The following SIN3B variants were observed in gnomAD, a reference collection of about 807,000 sequenced individuals.
The protein encoded by SIN3B is SIN3 transcription regulator family member B.
A neutral mutation model predicts 120.2 loss-of-function variants in SIN3B; 19 were observed. The ratio of observed to expected loss-of-function variants is 0.16; its 90% CI spans 0.11 to 0.23. The LOEUF (loss-of-function observed/expected upper bound fraction) is 0.23. SIN3B is among the 10% of genes least tolerant of loss of function. The pLI, the probability that SIN3B is intolerant of heterozygous loss-of-function variation, is 1.00. For missense variants in SIN3B, 1,073 were observed against 1,573.0 expected (o/e 0.68, Z 5.38); for synonymous variants, 654 against 653.2 (o/e 1.00, Z -0.02).
At chr19:16,854,054 G>T (rs1375651953) in intron 7 of SIN3B, 89 bp from the exon 8 acceptor site, 2 of 870,000 alleles carry the variant, frequency 2.3e-6, no homozygotes. Flanking sequence ...TTCCCATATC[G>T]CACACCCATG....
chr19:16,860,839 C>T (rs1457095862), intron 8 of SIN3B, among the ~76,000 whole-genome samples: 3 of 151,946 alleles, frequency 2.0e-5, no homozygotes, highest in Admixed American at 6.6e-5. Flanking sequence ...GTGATCCGCC[C>T]GCCTCGGCCT....
At position 16,862,226 on chromosome 19, in the gene SIN3B, C is replaced by T. The variant is rs951467188; in HGVS notation, c.1059-126C>T. The T allele has an allele frequency of 1.9e-5, 14 of 736,756 alleles. No homozygotes were observed. Among genetic ancestry groups the T allele is most frequent in the Non-Finnish European group, 2.7e-5 (12 of 446,244 alleles). 45.6% of individuals were successfully genotyped at this position (736,756 alleles called of 1,614,324 possible). A position where few individuals can be genotyped will look rare whatever the true frequency, so the allele number is the denominator to read the frequency against. ...ATTGGATTCTTCCGCCTCTCATTCGCATCCATGATGTTGAATTCTGACTCT... is the reference window on the plus strand; with the variant it reads ...ATTGGATTCTTCCGCCTCTCATTCGTATCCATGATGTTGAATTCTGACTCT... On this transcript the variant is annotated intron_variant, in intron 8 of 18. Transcript: ENST00000248054. The surrounding 1 kb of genome is among the most constrained non-coding windows in gnomAD (Gnocchi z 4.7).
At chr19:16,832,286 C>T (rs1374916383) in intron 3 of SIN3B, among the ~76,000 whole-genome samples, 2 of 151,268 alleles carry the variant, frequency 1.3e-5, no homozygotes, top group Admixed American at 6.6e-5. Context: ...CAACCTCCGC[C>T]TCCCAGGTTC....
chr19:16,860,051 C>T lies in SIN3B; in HGVS notation c.1059-2301C>T, dbSNP rs555366728. On this transcript the variant is annotated intron_variant, in intron 8 of 18. Transcript: ENST00000248054. The stretch of plus-strand genomic sequence containing the variant: ...AAGGTGCTGAACAGATGGGCAGTGC[C>T]GGAGCACAGTCAGCTGTTCTTGTTT... 6.3e-4 allele frequency among the ~76,000 whole-genome samples: 96 copies of T among 152,318 alleles called. 1 individual carries two copies. The highest frequency in any genetic ancestry group is 2.2e-3 in the African/African-American group (91 of 41,570).
chr19:16,867,370 A>G (rs1971790552), intron 12 of SIN3B, among the ~76,000 whole-genome samples: 1 of 152,220 alleles, frequency 6.6e-6, no homozygotes, highest in South Asian at 2.1e-4. Flanking sequence ...CAGGCTCACA[A>G]GGCCTGAGTC....
In SIN3B at chr19:16,875,972, G is replaced by A; in HGVS notation, c.2593-83G>A. The A allele has an allele frequency of 2.1e-6, 3 of 1,449,106 alleles. No homozygotes were observed. The South Asian group carries it at 4.1e-5, about 20-fold the overall frequency. The allele number at this position is 1,449,106 out of a possible 1,614,324, so 89.8% of individuals were successfully genotyped here. A position where few individuals can be genotyped will look rare whatever the true frequency, so the allele number is the denominator to read the frequency against. ...CACTCTCCATCCTGATGTGTTTCTG[G>A]CCTTTGTCGACTTCCTCTGTGGGTG... is the stretch of plus-strand genomic sequence containing the variant. On this transcript the variant is annotated intron_variant, in intron 14 of 18. Coordinates refer to ENST00000248054, the MANE Select transcript of SIN3B (RefSeq NM_001297595.2).
intron 10 of SIN3B, 32 bp downstream of exon 10, chr19:16,863,828 C>T (rs1200069996): frequency 6.7e-7 from 1 of 1,500,278 alleles, no homozygotes; most frequent in South Asian, 1.1e-5. Context: ...GGTCCCCCGG[C>T]ATGTGCCTGT....
chr19:16,853,230 G>A lies in SIN3B; in HGVS notation c.939+72G>A. Reference sequence around the variant, plus strand: ...GGCTGGGCCAATGCTCCCTGGGCCTGCCCCAGGATTGGGGCGGGGAGCAGG... The same window carrying A: ...GGCTGGGCCAATGCTCCCTGGGCCTACCCCAGGATTGGGGCGGGGAGCAGG... On this transcript the variant is annotated intron_variant, in intron 7 of 18. Transcript: ENST00000248054. 4.9e-6 allele frequency: 7 copies of A among 1,421,898 alleles called. No individual in the cohort carries two copies. The Admixed American group carries it at 1.2e-4, about 25-fold the overall frequency. 88.1% of individuals were successfully genotyped at this position (1,421,898 alleles called of 1,614,324 possible).
At chr19:16,867,055 G>A (rs917918999) in intron 12 of SIN3B, among the ~76,000 whole-genome samples, 7 of 152,130 alleles carry the variant, frequency 4.6e-5, no homozygotes, top group African/African-American at 1.4e-4. Context: ...GCTCCTGGCC[G>A]ACTCTGCCAT....
intron 16 of SIN3B, 149 bp from the exon 17 acceptor site, chr19:16,877,396 G>A (rs1056196348): frequency 6.4e-6 from 4 of 622,108 alleles, no homozygotes; most frequent in African/African-American, 5.5e-5. Flanking sequence ...GTCTCCGTCA[G>A]GGATCAGAGT....
In SIN3B at chr19:16,866,444, A is replaced by G. The variant is rs1971774472; in HGVS notation, c.1694A>G (p.Glu565Gly). The change falls in exon 12 of 19, where the codon GAG (glutamate) becomes GGG (glycine). Residue 565 changes from glutamate (E) to glycine (G), a missense_variant. By Grantham distance (98) the Glu-to-Gly change is moderately conservative. Transcript: ENST00000248054. Reference sequence around the variant, plus strand: ...AACAAGATCTGGCGGGAGCAGTATGAGAAGGCGTACCTCAAGTCCCTTGAC... The same window carrying G: ...AACAAGATCTGGCGGGAGCAGTATGGGAAGGCGTACCTCAAGTCCCTTGAC... ...GFNKIWREQY[E>G]KAYLKSLDHQ... 1 of 1,613,696 alleles carries G rather than the reference A, an allele frequency of 6.2e-7. No homozygotes were observed. The highest frequency in any genetic ancestry group is 1.3e-5 in the African/African-American group (1 of 74,890).
rs376138655 is a variant in SIN3B at position 16,829,940 on chromosome 19, C to T, written c.227+43C>T. 389 of 1,428,666 alleles carry T rather than the reference C, an allele frequency of 2.7e-4. 2 individuals are homozygous for T. Among genetic ancestry groups the T allele is most frequent in the South Asian group, 1.4e-3 (125 of 87,046 alleles). 88.5% of individuals were successfully genotyped at this position (1,428,666 alleles called of 1,614,324 possible). On this transcript the variant is annotated intron_variant, in intron 2 of 18. Coordinates refer to ENST00000248054, the MANE Select transcript of SIN3B (RefSeq NM_001297595.2). Reference sequence around the variant, plus strand: ...CTCCACCTCAGGGGACCCCCCTGGGCCGGAATCGGGCCTAGCGGGGTGAGA... The same window carrying T: ...CTCCACCTCAGGGGACCCCCCTGGGTCGGAATCGGGCCTAGCGGGGTGAGA...
intron 4 of SIN3B, 62 bp from the exon 5 acceptor site, chr19:16,846,908 C>A: frequency 6.4e-7 from 1 of 1,554,698 alleles, no homozygotes; most frequent in Non-Finnish European, 8.8e-7. Flanking sequence ...CCTGAGTGTC[C>A]CGGCCCAGGG....
chr19:16,862,464 T>C lies in SIN3B; in HGVS notation c.1171T>C (p.Tyr391His). The change falls in exon 9 of 19, where the codon TAT becomes CAT. Residue 391 changes from tyrosine (Y) to histidine (H), a missense_variant. Physicochemically the swap from Tyr to His is moderately conservative, Grantham distance 83. Transcript: ENST00000248054. This position sits in a 1 kb window ranked among gnomAD's most constrained non-coding sequence, Gnocchi z 4.7. ...SGDGISREID[Y>H]ASCKRIGSSY... ...GGACGGGATAAGCCGGGAAATTGAT[T>C]ATGCATCCTGCAAGCGCATAGGATC... The C allele has an allele frequency of 6.2e-7, 1 of 1,614,176 alleles. No individual in the cohort carries two copies. Among genetic ancestry groups the C allele is most frequent in the Non-Finnish European group, 8.5e-7 (1 of 1,180,030 alleles).
chr19:16,840,779 A>G (rs896538024), intron 3 of SIN3B, among the ~76,000 whole-genome samples: 2 of 152,230 alleles, frequency 1.3e-5, no homozygotes, highest in African/African-American at 4.8e-5. Context: ...CACTGGGGAT[A>G]CAGCCCTGAT....
rs916073661 is a variant in SIN3B at position 16,879,748 on chromosome 19, C to CGACTGTCCCTT, written c.*1030_*1031insTTGACTGTCCC. 2 of 152,174 alleles carry CGACTGTCCCTT rather than the reference C, an allele frequency of 1.3e-5. No individual in the cohort carries two copies. Among genetic ancestry groups the CGACTGTCCCTT allele is most frequent in the African/African-American group, 4.8e-5 (2 of 41,404 alleles). 9.4% of individuals were successfully genotyped at this position (152,174 alleles called of 1,614,324 possible). On this transcript the variant is annotated 3_prime_UTR_variant, in exon 19 of 19. Coordinates refer to ENST00000248054, the MANE Select transcript of SIN3B (RefSeq NM_001297595.2). ...GTTGTCCTTTTGTGAGGGGCTGAGG[C>CGACTGTCCCTT]GACTGTCCCATGGAGGCATCCAAGG...
Position 16,850,391 on chromosome 19 carries a change from G to A in SIN3B, c.727-1021G>A, listed in dbSNP as rs567275454. On this transcript the variant is annotated intron_variant, in intron 5 of 18. Transcript: ENST00000248054. ...ATGTGTAACAAATACTTTTTACAAA[G>A]CGACACACGGCATCCTATTTGTTCT... Among the ~76,000 whole-genome samples, 36 of 152,192 alleles carry A rather than the reference G, an allele frequency of 2.4e-4. No homozygotes were observed. In the East Asian group the frequency reaches 4.6e-3, roughly 20 times the overall value.
Position 16,862,991 on chromosome 19 carries a change from C to G in SIN3B, c.1266+432C>G, listed in dbSNP as rs778900387. 3.1e-6 allele frequency: 5 copies of G among 1,603,460 alleles called. No homozygotes were observed. In the African/African-American group the frequency reaches 4.0e-5, roughly 13 times the overall value. On this transcript the variant is annotated intron_variant, in intron 9 of 18. Coordinates refer to ENST00000248054, the MANE Select transcript of SIN3B (RefSeq NM_001297595.2). This position sits in a 1 kb window ranked among gnomAD's most constrained non-coding sequence, Gnocchi z 4.7. Reference sequence around the variant, plus strand: ...GATATAGTGCAGGGGTCAGCAAACTCTGGCCCACGGGCCCTGGCCCGCTGC... The same window carrying G: ...GATATAGTGCAGGGGTCAGCAAACTGTGGCCCACGGGCCCTGGCCCGCTGC...
intron 5 of SIN3B, among the ~76,000 whole-genome samples, chr19:16,849,963 A>G (rs1260135957): frequency 1.3e-5 from 2 of 152,056 alleles, no homozygotes; most frequent in African/African-American, 2.4e-5. Flanking sequence ...TCTCAAAAAA[A>G]AAAAAAAAAA....
Sources: allele counts gnomAD v4.1 joint callset (sites outside exome capture counted in the v4.1 genomes callset), GRCh38; gene constraint gnomAD v4.1.1; non-coding constraint Gnocchi (gnomAD v3.1); transcripts MANE v1.5; gene names NCBI Gene and HGNC (gene_info 2026-07-23, HGNC 2026-07-21).